The following TRIO variants were observed in gnomAD, a reference collection of about 807,000 sequenced individuals.
TRIO encodes the protein triple functional domain protein.
TRIO carries 58 observed loss-of-function variants against 351.9 expected under a neutral mutation model. That is an observed-to-expected ratio of 0.16 (90% confidence interval 0.13 to 0.21). The LOEUF is 0.21. TRIO is among the 10% of genes least tolerant of loss of function. The probability of loss-of-function intolerance (pLI) is 1.00; values close to 1 mark genes in which losing one functional copy is unlikely to be tolerated. For synonymous variants in TRIO, 1,758 were observed against 1,595.7 expected, an observed-to-expected ratio of 1.10 and a Z score of -2.42; for missense variants, 3,201 against 4,027.8, an observed-to-expected ratio of 0.79 and a Z score of 5.56.
At chr5:14,443,137 C>T (rs1359645364) in intron 34 of TRIO, among the ~76,000 whole-genome samples, 1 of 151,918 alleles carries the variant, frequency 6.6e-6, no homozygotes, top group Non-Finnish European at 1.5e-5. Flanking sequence ...TTGTTTCTCT[C>T]TATATATTTT....
chr5:14,273,925 G>A (rs543730824), intron 2 of TRIO, among the ~76,000 whole-genome samples: 6 of 152,258 alleles, frequency 3.9e-5, no homozygotes, highest in South Asian at 2.1e-4. Context: ...GTACGAATTC[G>A]TTGCCCACTT....
chr5:14,461,919 G>A (rs138931322), intron 35 of TRIO, among the ~76,000 whole-genome samples: 1 of 152,358 alleles, frequency 6.6e-6, no homozygotes, highest in African/African-American at 2.4e-5. Flanking sequence ...ATGTAGGTCA[G>A]CCAGAGATTT....
intron 33 of TRIO, among the ~76,000 whole-genome samples, chr5:14,415,457 G>A (rs911393834): frequency 1.3e-5 from 2 of 152,144 alleles, no homozygotes; most frequent in African/African-American, 4.8e-5. Flanking sequence ...TGTCCAGGGC[G>A]GGGGTGTTCT....
chr5:14,213,637 G>A (rs907660103), intron 1 of TRIO, among the ~76,000 whole-genome samples: 1 of 152,228 alleles, frequency 6.6e-6, no homozygotes. Flanking sequence ...AAGATGGTAT[G>A]TTTAAAATAA....
At chr5:14,413,442 C>A (rs945067481) in intron 33 of TRIO, among the ~76,000 whole-genome samples, 2 of 152,336 alleles carry the variant, frequency 1.3e-5, no homozygotes. Context: ...TGTGCCATCC[C>A]TATGATAGGC....
Position 14,180,600 on chromosome 5 carries a change from G to A in TRIO, c.157+36718G>A, listed in dbSNP as rs529294704. Among the ~76,000 whole-genome samples the A allele has an allele frequency of 1.4e-4, 22 of 152,316 alleles. No homozygotes were observed. The South Asian group carries it at 4.1e-3, about 29-fold the overall frequency. On this transcript the variant is annotated intron_variant, in intron 1 of 56. Transcript: ENST00000344204. The stretch of plus-strand genomic sequence containing the variant: ...TGTCATCCCAGCAAGTTGAGAGGCC[G>A]AGGTGGGAAGATCGCTTGAGGCCAG...
At chr5:14,363,623 C>T (rs998084707) in intron 13 of TRIO, 109 bp from the exon 14 acceptor site, 30 of 992,616 alleles carry the variant, frequency 3.0e-5, no homozygotes, top group East Asian at 7.3e-5. Context: ...AAGTGTTTGA[C>T]GTCTCTGTCC....
At chr5:14,280,158 A>G (rs1158124548) in intron 2 of TRIO, among the ~76,000 whole-genome samples, 164 bp from the exon 3 acceptor site, 2 of 152,224 alleles carry the variant, frequency 1.3e-5, no homozygotes, top group Non-Finnish European at 2.9e-5. Flanking sequence ...AGATCCCCTG[A>G]AGGGATGACA....
At chr5:14,379,771 A>G (rs1457082285) in intron 20 of TRIO, among the ~76,000 whole-genome samples, 1 of 152,252 alleles carries the variant, frequency 6.6e-6, no homozygotes, top group Non-Finnish European at 1.5e-5. Context: ...GCATTTTCCT[A>G]AAGTCCGCTT....
intron 33 of TRIO, 107 bp from the exon 34 acceptor site, chr5:14,419,671 C>T: frequency 2.7e-6 from 4 of 1,507,050 alleles, no homozygotes; most frequent in Non-Finnish European, 3.6e-6. Context: ...ACTCAGCTCA[C>T]TCCGGGGCAG....
intron 1 of TRIO, among the ~76,000 whole-genome samples, chr5:14,267,488 C>T (rs1306143658): frequency 1.3e-5 from 2 of 152,166 alleles, no homozygotes; most frequent in Non-Finnish European, 2.9e-5. Context: ...TCCTTTAATG[C>T]ATGAATGAAG....
At chr5:14,351,892 T>C (rs1275021997) in intron 11 of TRIO, among the ~76,000 whole-genome samples, 1 of 152,200 alleles carries the variant, frequency 6.6e-6, no homozygotes, top group Non-Finnish European at 1.5e-5. Context: ...GGAGGCTTGG[T>C]CCTTTCCGAG....
chr5:14,336,855 T>C, intron 11 of TRIO, 128 bp downstream of exon 11: 1 of 967,322 alleles, frequency 1.0e-6, no homozygotes, highest in Non-Finnish European at 1.6e-6. Flanking sequence ...TGTAGCCCAT[T>C]AGTGCTGAGT....
intron 34 of TRIO, among the ~76,000 whole-genome samples, chr5:14,450,186 A>G (rs1752752550): frequency 6.6e-6 from 1 of 151,766 alleles, no homozygotes; most frequent in Non-Finnish European, 1.5e-5. Context: ...TATCTCTAGG[A>G]CTCCTCACTC....
rs768460425 is a variant in TRIO, at chr5:14,405,954, C to G, written c.4823C>G (p.Pro1608Arg). ...GCCCTGAAGGAGCCCATTCACATCCCTAAGACCGCTCCCGCCACAAGACAG... is the reference window on the plus strand; with the variant it reads ...GCCCTGAAGGAGCCCATTCACATCCGTAAGACCGCTCCCGCCACAAGACAG... ...KGALKEPIHI[P>R]KTAPATRQKG... Residue 1608 changes from proline (P) to arginine (R), a missense_variant, in exon 32 of 57, where the codon CCT (proline) becomes CGT (arginine). By Grantham distance (103) the Pro-to-Arg change is moderately radical. Around this residue, in one of 19 missense-constraint regions of TRIO, gnomAD observed 136 missense variants for 229.5 expected, o/e 0.59. Transcript: ENST00000344204. The G allele has an allele frequency of 6.2e-7, 1 of 1,611,574 alleles. No individual in the cohort carries two copies. Among genetic ancestry groups the G allele is most frequent in the Non-Finnish European group, 8.5e-7 (1 of 1,179,268 alleles).
intron 6 of TRIO, among the ~76,000 whole-genome samples, chr5:14,295,841 A>G (rs986674003): frequency 6.6e-6 from 1 of 152,160 alleles, no homozygotes; most frequent in Admixed American, 6.6e-5. Context: ...CAGACATGCG[A>G]TGTCTGTTAG....
At position 14,201,527 on chromosome 5, in the gene TRIO, C is replaced by T. The variant is rs145724955; in HGVS notation, c.157+57645C>T. The stretch of plus-strand genomic sequence containing the variant: ...TGGTTTTAAGAGCATTTGGCAGCAT[C>T]GATTGTTAACTTTGAGGATTACGTG... On this transcript the variant is annotated intron_variant, in intron 1 of 56. Transcript: ENST00000344204. 9.9e-5 allele frequency among the ~76,000 whole-genome samples: 15 copies of T among 152,198 alleles called. No individual in the cohort carries two copies. In the East Asian group the frequency reaches 2.9e-3, roughly 29 times the overall value.
chr5:14,242,900 C>T (rs915403554), intron 1 of TRIO, among the ~76,000 whole-genome samples: 14 of 152,166 alleles, frequency 9.2e-5, no homozygotes, highest in African/African-American at 3.1e-4. Flanking sequence ...AAACACAGGC[C>T]CTGCCTTCTC....
chr5:14,337,877 C>T (rs973786096), intron 11 of TRIO, among the ~76,000 whole-genome samples: 1 of 152,166 alleles, frequency 6.6e-6, no homozygotes. Flanking sequence ...CCCGGGCTGG[C>T]AGCTGGCTCT....
Sources: gnomAD v4.1 joint callset for allele counts (sites outside exome capture counted in the v4.1 genomes callset) on GRCh38, gnomAD v4.1.1 for gene constraint, gnomAD v4.1.1 regional missense constraint, MANE v1.5 for transcripts, NCBI Gene and HGNC (gene_info 2026-07-23, HGNC 2026-07-21) for gene names.